PCDH7: variants seen among roughly 807,000 people sequenced by gnomAD.
The protein encoded by PCDH7 is protocadherin-7.
In PCDH7, 17 loss-of-function variants were observed where a neutral mutation model predicts 58.9. The ratio of observed to expected loss-of-function variants is 0.29; its 90% confidence interval spans 0.20 to 0.43. The LOEUF (loss-of-function observed/expected upper bound fraction) is 0.43, where lower values mean the gene tolerates loss of function less well. Ranked by LOEUF, PCDH7 falls within the 20% of genes least tolerant of loss-of-function variation. PCDH7 has a pLI of 1.00. For missense variants in PCDH7, 1,274 were observed against 1,441.0 expected (o/e 0.88, Z 1.88); for synonymous variants, 664 against 616.4 (o/e 1.08, Z -1.14).
At chr4:31,030,399 T>A (rs945938772) in intron 3 of PCDH7, among the ~76,000 whole-genome samples, 1 of 152,154 alleles carries the variant, frequency 6.6e-6, no homozygotes, top group Non-Finnish European at 1.5e-5. Context: ...CTTTTGCATT[T>A]AGGAATGCTA....
intron 2 of PCDH7, among the ~76,000 whole-genome samples, chr4:30,944,316 T>C (rs940858167): frequency 1.6e-4 from 25 of 152,156 alleles, no homozygotes; most frequent in African/African-American, 5.8e-4. Context: ...AGTAATTTTC[T>C]ATTAAAATAT....
chr4:31,016,923 A>G (rs1464288627), intron 3 of PCDH7, among the ~76,000 whole-genome samples: 1 of 137,390 alleles, frequency 7.3e-6, no homozygotes, highest in Non-Finnish European at 1.6e-5. Context: ...GTGTGTGTGT[A>G]CTGGGTGTGT....
At chr4:30,730,591 C>T (rs1715339112) in intron 1 of PCDH7, among the ~76,000 whole-genome samples, 2 of 152,032 alleles carry the variant, frequency 1.3e-5, no homozygotes, top group South Asian at 2.1e-4. Context: ...ACTTCCCCCA[C>T]CCCCCAAGTG....
intron 3 of PCDH7, among the ~76,000 whole-genome samples, chr4:31,042,595 A>G (rs1241954724): frequency 6.6e-6 from 1 of 152,114 alleles, no homozygotes; most frequent in Non-Finnish European, 1.5e-5. Context: ...TGTGGGAAGC[A>G]TTGGGGAAGG....
intron 1 of PCDH7, among the ~76,000 whole-genome samples, chr4:30,831,316 G>C (rs1351785455): frequency 6.6e-6 from 1 of 152,098 alleles, no homozygotes; most frequent in Admixed American, 6.6e-5. Flanking sequence ...CTCCAGAAAA[G>C]GAGCCTGGGA....
At chr4:30,816,590 A>T (rs1727703636) in intron 1 of PCDH7, among the ~76,000 whole-genome samples, 1 of 151,972 alleles carries the variant, frequency 6.6e-6, no homozygotes, top group South Asian at 2.1e-4. Context: ...GTAGAGTTTC[A>T]TATGTTTACA....
intron 3 of PCDH7, among the ~76,000 whole-genome samples, chr4:31,134,940 A>T (rs1448938104): frequency 2.6e-5 from 4 of 152,190 alleles, no homozygotes; most frequent in Non-Finnish European, 5.9e-5. Flanking sequence ...CTGGTTGTCA[A>T]CACTAGTCCA....
At position 30,923,740 on chromosome 4, in the gene PCDH7, A is replaced by T. The variant is rs569744946; in HGVS notation, c.287+3371A>T. ...AGTTATACATTTATTTGTGACAAAG[A>T]TTACTAATATATATTTCTTTGCCTT... On this transcript the variant is annotated intron_variant, in intron 2 of 3. Transcript: ENST00000509759. Among the ~76,000 whole-genome samples, 16 of 152,294 alleles carry T rather than the reference A, an allele frequency of 1.1e-4. No homozygotes were observed. In the East Asian group the frequency reaches 2.9e-3, roughly 28 times the overall value.
chr4:30,755,066 G>T (rs1192714651), intron 1 of PCDH7, among the ~76,000 whole-genome samples: 4 of 152,074 alleles, frequency 2.6e-5, no homozygotes, highest in Admixed American at 2.6e-4. Flanking sequence ...TCATACAGTG[G>T]CTAAGATGTA....
chr4:30,932,888 C>A (rs185018382), intron 2 of PCDH7, among the ~76,000 whole-genome samples: 1 of 152,102 alleles, frequency 6.6e-6, no homozygotes, highest in Non-Finnish European at 1.5e-5. Flanking sequence ...GAGAATATCC[C>A]ATTCAGTAGA....
chr4:31,123,485 C>T (rs761103531), intron 3 of PCDH7, among the ~76,000 whole-genome samples: 4 of 152,074 alleles, frequency 2.6e-5, no homozygotes, highest in South Asian at 2.1e-4. Context: ...TGCAGGTAAC[C>T]GGGTGCAAGA....
At chr4:30,899,766 T>C (rs985640589) in intron 1 of PCDH7, among the ~76,000 whole-genome samples, 11 of 151,974 alleles carry the variant, frequency 7.2e-5, no homozygotes, top group African/African-American at 2.7e-4. Context: ...TGTGTGTTTG[T>C]GGGGTGGGGG....
chr4:30,847,178 C>T (rs1375778652), intron 1 of PCDH7, among the ~76,000 whole-genome samples: 1 of 151,792 alleles, frequency 6.6e-6, no homozygotes, highest in East Asian at 1.9e-4. Flanking sequence ...AAGGTTTTAA[C>T]TTTATTCATA....
chr4:30,791,293 A>G (rs1420978918), intron 1 of PCDH7, among the ~76,000 whole-genome samples: 1 of 152,204 alleles, frequency 6.6e-6, no homozygotes, highest in Non-Finnish European at 1.5e-5. Context: ...TCATACATTT[A>G]CAAGTTGAGT....
At chr4:31,046,250 A>T (rs962760838) in intron 3 of PCDH7, among the ~76,000 whole-genome samples, 7 of 152,012 alleles carry the variant, frequency 4.6e-5, no homozygotes, top group African/African-American at 1.7e-4. Flanking sequence ...TTATTAAAAT[A>T]TACTTTATGT....
At chr4:30,859,293 A>C (rs1733886540) in intron 1 of PCDH7, among the ~76,000 whole-genome samples, 1 of 152,140 alleles carries the variant, frequency 6.6e-6, no homozygotes, top group Non-Finnish European at 1.5e-5. Flanking sequence ...TTTAGGTATA[A>C]TTAGGAGAGC....
chr4:31,009,669 G>A (rs1753030979), intron 3 of PCDH7, among the ~76,000 whole-genome samples: 1 of 151,406 alleles, frequency 6.6e-6, no homozygotes, highest in Admixed American at 6.6e-5. Context: ...TCTATCCTTG[G>A]TCTACACAGC....
chr4:30,888,355 A>AC (rs567498226), intron 1 of PCDH7, among the ~76,000 whole-genome samples: 183 of 152,280 alleles, frequency 1.2e-3, no homozygotes, highest in African/African-American at 4.2e-3. Context: ...GTTGAACTTG[A>AC]CCACAAGAAA....
chr4:31,040,842 T>G, intron 3 of PCDH7, among the ~76,000 whole-genome samples: 1 of 152,000 alleles, frequency 6.6e-6, no homozygotes, highest in East Asian at 1.9e-4. Context: ...TAAGAAAAGC[T>G]AAATCATCTG....
Sources: gnomAD v4.1 joint callset for allele counts (sites outside exome capture counted in the v4.1 genomes callset) on GRCh38, gnomAD v4.1.1 for gene constraint, MANE v1.5 for transcripts, NCBI Gene and HGNC (gene_info 2026-07-23, HGNC 2026-07-21) for gene names.